The following FAP variants were observed in gnomAD, a reference collection of about 807,000 sequenced individuals.
FAP encodes prolyl endopeptidase FAP.
FAP carries 110 observed loss-of-function variants against 126.5 expected under a neutral mutation model. That is an observed-to-expected ratio of 0.87 (90% CI 0.74 to 1.02). FAP has a LOEUF of 1.02. Among genes scored for constraint, FAP ranks in the 50% least tolerant of loss-of-function variants. The pLI is 0.00. For missense variants in FAP, 919 were observed against 909.2 expected, an observed-to-expected ratio of 1.01 and a Z score of -0.14; for synonymous variants, 334 against 297.3, an observed-to-expected ratio of 1.12 and a Z score of -1.27.
At chr2:162,198,408 A>G in intron 16 of FAP, 1 of 1,215,970 alleles carries the variant, frequency 8.2e-7, no homozygotes, top group Non-Finnish European at 1.1e-6. Flanking sequence ...TGCGAAGCCT[A>G]GCTGACGGGT....
chr2:162,230,470 C>T (rs763814277), intron 2 of FAP, among the ~76,000 whole-genome samples: 3 of 151,940 alleles, frequency 2.0e-5, no homozygotes, highest in East Asian at 1.9e-4. Context: ...CACTATTATA[C>T]GTTCAGCTGC....
chr2:162,226,601 T>A lies in FAP; in HGVS notation c.112A>T (p.Thr38Ser), dbSNP rs1159037667. 6.3e-7 allele frequency: 1 copy of A among 1,588,942 alleles called. No individual in the cohort carries two copies. The highest frequency in any genetic ancestry group is 1.3e-5 in the African/African-American group (1 of 74,098). ...TCCTTCAGTGTGAGTGCTCTCATTGTATTTTCTTCAGAGTTATGAACTTTG... is the reference window on the plus strand; with the variant it reads ...TCCTTCAGTGTGAGTGCTCTCATTGAATTTTCTTCAGAGTTATGAACTTTG... ...PSRVHNSEEN[T>S]MRALTLKDIL... The change falls in exon 3 of 26, where the codon ACA (threonine) becomes TCA (serine). Residue 38 changes from threonine (T) to serine (S), a missense_variant. Coordinates refer to ENST00000188790, the MANE Select transcript of FAP (RefSeq NM_004460.5).
chr2:162,240,155 T>C (rs1690289587), intron 2 of FAP, among the ~76,000 whole-genome samples: 3 of 152,192 alleles, frequency 2.0e-5, no homozygotes, highest in Non-Finnish European at 2.9e-5. Context: ...GGGTGTAAGC[T>C]GAAGGCAAGG....
At chr2:162,243,051 C>G (rs529134940) in intron 1 of FAP, 59 bp from the exon 2 acceptor site, 1 of 1,385,440 alleles carries the variant, frequency 7.2e-7, no homozygotes, top group African/African-American at 1.4e-5. Flanking sequence ...GTAGAAATGG[C>G]AAGATTTTGT....
At chr2:162,175,018 C>T in intron 21 of FAP, 52 bp from the exon 22 acceptor site, 4 of 1,313,920 alleles carry the variant, frequency 3.0e-6, no homozygotes, top group Non-Finnish European at 4.4e-6. Context: ...ATAAGCTTTC[C>T]TCCATATGTT....
intron 20 of FAP, 88 bp from the exon 21 acceptor site, chr2:162,183,556 T>G: frequency 1.3e-6 from 1 of 763,516 alleles, no homozygotes. Flanking sequence ...TCCAAAGATT[T>G]AATAGAAACG....
chr2:162,189,638 G>T lies in FAP; in HGVS notation c.1549+18C>A. On this transcript the variant is annotated intron_variant, in intron 18 of 25. Transcript: ENST00000188790. ...TCAGCTTCATATCTATAAATGAGAA[G>T]TTTTTAAAAGATCTTACTAATTTCA... 1 of 1,389,520 alleles carries T rather than the reference G, an allele frequency of 7.2e-7. No individual in the cohort carries two copies. Among genetic ancestry groups the T allele is most frequent in the Non-Finnish European group, 1.0e-6 (1 of 993,562 alleles). 86.1% of individuals were successfully genotyped at this position (1,389,520 alleles called of 1,614,324 possible).
chr2:162,207,718 T>C (rs1688761136), intron 12 of FAP, among the ~76,000 whole-genome samples: 1 of 151,626 alleles, frequency 6.6e-6, no homozygotes, highest in Non-Finnish European at 1.5e-5. Flanking sequence ...GAGGGCATTT[T>C]TTTTTTTTTT....
chr2:162,204,681 A>G (rs771601458), intron 12 of FAP, among the ~76,000 whole-genome samples: 2 of 152,152 alleles, frequency 1.3e-5, no homozygotes, highest in African/African-American at 2.4e-5. Flanking sequence ...TGCTGACACC[A>G]TGATTTCCGA....
rs148523652 is a variant in FAP, at chr2:162,173,162, G to A, written c.2094C>T (p.His698=). The part of the protein sequence containing the change: ...YFRNVDYLLI[H]GTADDNVHFQ... Reference sequence around the variant, plus strand: ...CTTAAACCTCACCATCTGCTGTTCCGTGGATGAGAAGATAGTCTACATTTC... The same window carrying A: ...CTTAAACCTCACCATCTGCTGTTCCATGGATGAGAAGATAGTCTACATTTC... The change falls in exon 24 of 26, where the codon CAC becomes CAT. Residue 698 remains histidine (H), a synonymous_variant. Coordinates refer to ENST00000188790, the MANE Select transcript of FAP (RefSeq NM_004460.5). The A allele has an allele frequency of 2.7e-5, 43 of 1,612,404 alleles. No individual in the cohort carries two copies. The African/African-American group carries it at 2.9e-4, about 11-fold the overall frequency.
At chr2:162,223,517 G>T in intron 6 of FAP, 91 bp downstream of exon 6, 2 of 819,502 alleles carry the variant, frequency 2.4e-6, no homozygotes, top group Non-Finnish European at 4.2e-6. Context: ...TCATTAAGAA[G>T]ATAAAGTCTT....
At position 162,171,003 on chromosome 2, in the gene FAP, C is replaced by T. The variant is rs1248101172; in HGVS notation, c.2259G>A (p.Lys753=). The T allele has an allele frequency of 3.7e-6, 6 of 1,613,160 alleles. No individual in the cohort carries two copies. The African/African-American group carries it at 5.3e-5, about 14-fold the overall frequency. Reference sequence around the variant, plus strand: ...TTTAGTCTGACAAAGAGAAACACTGCTTTAGGAAGTGGGTCATGTGGGTGT... The same window carrying T: ...TTTAGTCTGACAAAGAGAAACACTGTTTTAGGAAGTGGGTCATGTGGGTGT... ...HLYTHMTHFL[K]QCFSLSD is the part of the protein sequence containing the mutation. Residue 753 remains lysine, a synonymous_variant, in exon 26 of 26, where the codon AAG becomes AAA. Transcript: ENST00000188790.
intron 21 of FAP, among the ~76,000 whole-genome samples, chr2:162,179,245 GTTTT>G (rs10708873): frequency 9.2e-6 from 1 of 108,846 alleles, no homozygotes. Context: ...AACTTGACAG[GTTTT>G]TTTTTTTTTT....
intron 20 of FAP, among the ~76,000 whole-genome samples, chr2:162,186,801 G>A (rs1185476510): frequency 2.0e-5 from 3 of 152,042 alleles, no homozygotes. Context: ...ATGGAATTAA[G>A]CTATAATTCT....
chr2:162,205,211 T>G (rs1004612340), intron 12 of FAP, among the ~76,000 whole-genome samples: 3 of 152,234 alleles, frequency 2.0e-5, no homozygotes, highest in Non-Finnish European at 4.4e-5. Flanking sequence ...TGTCTAAAGT[T>G]TTCTTTAAAA....
rs760691740 is a variant in FAP at position 162,243,376 on chromosome 2, G to C, written c.-49C>G. On this transcript the variant is annotated 5_prime_UTR_variant, in exon 1 of 26. Coordinates refer to ENST00000188790, the MANE Select transcript of FAP (RefSeq NM_004460.5). ...AGCTAATTCTGTCTTCAGAGCGTGG[G>C]TCACTGGATCTGTGAAAACCGTTGA... 24 of 1,601,098 alleles carry C rather than the reference G, an allele frequency of 1.5e-5. No homozygotes were observed. The East Asian group carries it at 2.9e-4, about 20-fold the overall frequency.
chr2:162,189,911 C>T (rs752028450), intron 17 of FAP, among the ~76,000 whole-genome samples, 157 bp from the exon 18 acceptor site: 3 of 151,928 alleles, frequency 2.0e-5, no homozygotes, highest in Non-Finnish European at 4.4e-5. Flanking sequence ...TATAATCCAG[C>T]CTTTAGAGCA....
chr2:162,242,128 T>C (rs1285500941), intron 2 of FAP, among the ~76,000 whole-genome samples: 1 of 152,180 alleles, frequency 6.6e-6, no homozygotes, highest in Non-Finnish European at 1.5e-5. Context: ...AGACCTGTTA[T>C]TACTGGATTT....
chr2:162,225,434 G>A (rs2106286033), intron 4 of FAP, 49 bp downstream of exon 4: 1 of 1,570,784 alleles, frequency 6.4e-7, no homozygotes, highest in East Asian at 2.3e-5. Context: ...CTTGGTCAAT[G>A]AAGAGTGGGC....
Sources: allele counts gnomAD v4.1 joint callset (sites outside exome capture counted in the v4.1 genomes callset), GRCh38; gene constraint gnomAD v4.1.1; transcripts MANE v1.5; gene names NCBI Gene and HGNC (gene_info 2026-07-23, HGNC 2026-07-21).